EHMT1: variants seen among roughly 807,000 people sequenced by gnomAD.
EHMT1 encodes euchromatic histone lysine methyltransferase 1, also known as histone-lysine N-methyltransferase EHMT1.
EHMT1 carries 15 observed loss-of-function variants against 147.2 expected under a neutral mutation model. The observed-to-expected ratio is 0.10, with a 90% confidence interval of 0.07 to 0.16. The LOEUF (loss-of-function observed/expected upper bound fraction) is 0.16, where lower values mean the gene tolerates loss of function less well. EHMT1 is among the 10% of genes least tolerant of loss of function. The pLI is 1.00. For synonymous variants in EHMT1, 795 were observed against 709.6 expected, an observed-to-expected ratio of 1.12 and a Z score of -1.91; for missense variants, 1,587 against 1,772.4, an observed-to-expected ratio of 0.90 and a Z score of 1.88.
chr9:137,643,341 T>TG (rs1417626729), intron 1 of EHMT1, among the ~76,000 whole-genome samples: 6 of 147,204 alleles, frequency 4.1e-5, no homozygotes, highest in South Asian at 2.2e-4. Flanking sequence ...ATAAAGGTTT[T>TG]TTTTTTTTTT....
intron 1 of EHMT1, among the ~76,000 whole-genome samples, chr9:137,679,722 C>T (rs1338523314): frequency 6.6e-6 from 1 of 152,162 alleles, no homozygotes; most frequent in Non-Finnish European, 1.5e-5. Context: ...TAGCCAAATA[C>T]ATTGGATATT....
chr9:137,776,809 G>C lies in EHMT1; in HGVS notation c.1983G>C (p.Ser661=). 6.2e-6 allele frequency: 10 copies of C among 1,613,906 alleles called. No homozygotes were observed. Among genetic ancestry groups the C allele is most frequent in the Non-Finnish European group, 8.5e-6 (10 of 1,180,002 alleles). ...CAGTCCCCGGGCAGGAGAAGGGCTC[G>C]GCCCTGGAGGGCAGGGCCGACACCA... ...VTPVPGQEKG[S]ALEGRADTTT... The change falls in exon 12 of 27, where the codon TCG becomes TCC. Residue 661 remains serine, a synonymous_variant. Transcript: ENST00000460843. This position sits in a 1 kb window ranked among gnomAD's most constrained non-coding sequence, Gnocchi z 4.4.
chr9:137,834,057 G>C, intron 25 of EHMT1: 1 of 504,286 alleles, frequency 2.0e-6, no homozygotes, highest in South Asian at 2.1e-5. Context: ...ACATTCCACC[G>C]CGCTGGAAGC....
At position 137,818,085 on chromosome 9, in the gene EHMT1, T is replaced by C. The variant is rs2132809316; in HGVS notation, c.3487T>C (p.Ser1163Pro). The C allele has an allele frequency of 6.2e-7, 1 of 1,614,182 alleles. No homozygotes were observed. The highest frequency in any genetic ancestry group is 8.5e-7 in the Non-Finnish European group (1 of 1,180,038). ...CEYVGELISD[S>P]EADVREEDSY... ...GTATGTTGGGGAGCTGATTTCAGAC[T>C]CAGAAGCCGACGTTCGAGAGGAAGA... The change falls in exon 25 of 27, where the codon TCA (serine) becomes CCA (proline). Residue 1163 changes from serine to proline, a missense_variant. Physicochemically the swap from Ser to Pro is moderately conservative, Grantham distance 74. This residue lies in a region of EHMT1 where 156 missense variants were observed against 252.5 expected (regional missense o/e 0.62). Transcript: ENST00000460843.
intron 25 of EHMT1, among the ~76,000 whole-genome samples, chr9:137,827,534 G>T (rs1229348380): frequency 6.6e-6 from 1 of 152,158 alleles, no homozygotes; most frequent in Non-Finnish European, 1.5e-5. Flanking sequence ...GTATTTCCTG[G>T]ACCATTGCAG....
chr9:137,792,009 G>A (rs1160460113), intron 16 of EHMT1: 1 of 456,336 alleles, frequency 2.2e-6, no homozygotes, highest in Non-Finnish European at 4.5e-6. Context: ...CTGGGATTAT[G>A]AGCATGAGCC....
At position 137,674,151 on chromosome 9, in the gene EHMT1, G is replaced by A. The variant is rs542197335; in HGVS notation, c.22-36816G>A. On this transcript the variant is annotated intron_variant, in intron 1 of 26. Coordinates refer to ENST00000460843, the MANE Select transcript of EHMT1 (RefSeq NM_024757.5). ...AGGCATTCCTCACAGGGTCTGGAGC[G>A]CAGTGAGCTTAGAAAACCAGCACCG... Among the ~76,000 whole-genome samples the A allele has an allele frequency of 1.2e-4, 18 of 152,292 alleles. No homozygotes were observed. The East Asian group carries it at 3.5e-3, about 29-fold the overall frequency.
chr9:137,718,448 G>A (rs1387602505), intron 3 of EHMT1, among the ~76,000 whole-genome samples: 1 of 152,224 alleles, frequency 6.6e-6, no homozygotes, highest in Non-Finnish European at 1.5e-5. Flanking sequence ...TTTGTTTGTA[G>A]ATCGTTTGCT....
At chr9:137,686,664 A>C (rs1000341410) in intron 1 of EHMT1, among the ~76,000 whole-genome samples, 8 of 151,102 alleles carry the variant, frequency 5.3e-5, no homozygotes, top group Admixed American at 4.0e-4. Flanking sequence ...TAGAGGTGTG[A>C]GCCACTGTGC....
intron 1 of EHMT1, among the ~76,000 whole-genome samples, chr9:137,688,746 G>A (rs1942675061): frequency 1.3e-5 from 2 of 152,212 alleles, no homozygotes. Flanking sequence ...GCACACGTTT[G>A]TATTTGTCAT....
At chr9:137,672,201 C>T (rs893374445) in intron 1 of EHMT1, among the ~76,000 whole-genome samples, 18 of 152,184 alleles carry the variant, frequency 1.2e-4, no homozygotes, top group African/African-American at 4.1e-4. Flanking sequence ...AATGTAAAAC[C>T]GTATCACTTT....
At chr9:137,778,170 G>T in intron 13 of EHMT1, 115 bp downstream of exon 13, 1 of 1,303,592 alleles carries the variant, frequency 7.7e-7, no homozygotes. Context: ...AATGCTGTTC[G>T]TTAGAATAAT....
At chr9:137,815,196 T>G (rs1457834051) in intron 22 of EHMT1, 1 of 165,360 alleles carries the variant, frequency 6.0e-6, no homozygotes, top group Admixed American at 5.6e-5. Context: ...AGAGTGGACA[T>G]GGAGGGTCAA....
chr9:137,670,587 C>T (rs146846470), intron 1 of EHMT1, among the ~76,000 whole-genome samples: 308 of 152,278 alleles, frequency 2.0e-3, no homozygotes, highest in Non-Finnish European at 3.5e-3. Context: ...TTCTGACTTC[C>T]TCAGTCTCCC....
At position 137,717,373 on chromosome 9, in the gene EHMT1, C is replaced by T. The variant is rs970117464; in HGVS notation, c.642+191C>T. On this transcript the variant is annotated intron_variant, in intron 3 of 26. Transcript: ENST00000460843. ...ATCGCAGCACTTTGGGAGGCTGAGG[C>T]GGGTGGATTGCTTGAGCCTAGGAGT... 84 of 761,044 alleles carry T rather than the reference C, an allele frequency of 1.1e-4. 1 individual carries two copies. The highest frequency in any genetic ancestry group is 4.7e-4 in the Admixed American group (21 of 44,980). The allele number at this position is 761,044 out of a possible 1,614,324, so 47.1% of individuals were successfully genotyped here.
chr9:137,621,437 C>T (rs779226154), intron 1 of EHMT1, among the ~76,000 whole-genome samples: 1 of 152,176 alleles, frequency 6.6e-6, no homozygotes, highest in Non-Finnish European at 1.5e-5. Flanking sequence ...TGGCTCATGC[C>T]TGTAATCCTA....
chr9:137,830,384 C>T (rs1334424469), intron 25 of EHMT1, among the ~76,000 whole-genome samples: 5 of 152,174 alleles, frequency 3.3e-5, no homozygotes, highest in Non-Finnish European at 7.3e-5. Flanking sequence ...GTCAGGGTGC[C>T]ATGGGCTCTT....
intron 10 of EHMT1, among the ~76,000 whole-genome samples, chr9:137,767,023 A>G (rs566908059): frequency 3.3e-5 from 5 of 152,154 alleles, no homozygotes; most frequent in South Asian, 2.1e-4. Flanking sequence ...GTATCTCACT[A>G]TGTTCCCCAG....
At chr9:137,774,796 A>G (rs1474660712) in intron 10 of EHMT1, among the ~76,000 whole-genome samples, 36 of 99,286 alleles carry the variant, frequency 3.6e-4, no homozygotes, top group African/African-American at 6.4e-4. Context: ...GGGTGTGGGC[A>G]CGCCTGGCCC....
Sources: gnomAD v4.1 joint callset for allele counts (sites outside exome capture counted in the v4.1 genomes callset) on GRCh38, gnomAD v4.1.1 for gene constraint, gnomAD v4.1.1 regional missense constraint, Gnocchi (gnomAD v3.1) non-coding constraint, MANE v1.5 for transcripts, NCBI Gene and HGNC (gene_info 2026-07-23, HGNC 2026-07-21) for gene names.